KLK4: variants seen among roughly 807,000 people sequenced by gnomAD.
KLK4 encodes the protein kallikrein-4.
Under a neutral mutation model 24.3 loss-of-function variants are expected in KLK4, and 24 were observed. The ratio of observed to expected loss-of-function variants is 0.99; its 90% CI spans 0.72 to 1.39. The LOEUF is 1.39. KLK4 is among the 40% of genes most tolerant of loss of function. The pLI is 0.00. For synonymous variants in KLK4, 142 were observed against 138.8 expected, an observed-to-expected ratio of 1.02 and a Z score of -0.16; for missense variants, 344 against 327.4, an observed-to-expected ratio of 1.05 and a Z score of -0.39.
rs1454963653 is a variant in KLK4, at chr19:50,910,307, C to A, written c.61+371G>T. 6.6e-6 allele frequency among the ~76,000 whole-genome samples: 1 copy of A among 152,048 alleles called. No homozygotes were observed. The highest frequency in any genetic ancestry group is 1.5e-5 in the Non-Finnish European group (1 of 68,002). On this transcript the variant is annotated intron_variant, in intron 2 of 5. Transcript: ENST00000324041. The surrounding 1 kb of genome is among the most constrained non-coding windows in gnomAD (Gnocchi z 4.4). ...TTCCTTGGGGATGGGAGAGGGGGAT[C>A]TCAGGACTGAAGACCCAGGAAGCAG...
Position 50,910,627 on chromosome 19 carries a change from A to G in KLK4, c.61+51T>C. 2 of 1,507,518 alleles carry G rather than the reference A, an allele frequency of 1.3e-6. No homozygotes were observed. The highest frequency in any genetic ancestry group is 1.8e-6 in the Non-Finnish European group (2 of 1,106,628). 93.4% of individuals were successfully genotyped at this position (1,507,518 alleles called of 1,614,324 possible). On this transcript the variant is annotated intron_variant, in intron 2 of 5. Transcript: ENST00000324041. This position sits in a 1 kb window ranked among gnomAD's most constrained non-coding sequence, Gnocchi z 4.4. ...CACTGAGTCACACCTGAACATTAAC[A>G]AACACTGTGCCCCCAAGCACGGACA...
At position 50,907,218 on chromosome 19, in the gene KLK4, A is replaced by G. The variant is rs541789598; in HGVS notation, c.613-132T>C. ...ATCAATAACAACATAGCCCAGCAACATATCTGTTGGAAGTCCCATTCCAGA... is the reference window on the plus strand; with the variant it reads ...ATCAATAACAACATAGCCCAGCAACGTATCTGTTGGAAGTCCCATTCCAGA... On this transcript the variant is annotated intron_variant, in intron 5 of 5. Transcript: ENST00000324041. 1.4e-4 allele frequency: 129 copies of G among 907,360 alleles called. 1 individual carries two copies. The South Asian group carries it at 1.7e-3, about 12-fold the overall frequency. The allele number at this position is 907,360 out of a possible 1,614,324, so 56.2% of individuals were successfully genotyped here.
rs2090454713 is a variant in KLK4, at chr19:50,908,559, A to T, written c.475+20T>A. On this transcript the variant is annotated intron_variant, in intron 4 of 5. Coordinates refer to ENST00000324041, the Ensembl canonical transcript of KLK4. ...CAGAGGACCTCCTTGAAGAGGGCAG[A>T]CACACACCCGTGAGCTCACCGTTCG... 1.2e-6 allele frequency: 2 copies of T among 1,614,148 alleles called. No homozygotes were observed. The highest frequency in any genetic ancestry group is 1.7e-6 in the Non-Finnish European group (2 of 1,180,024).
chr19:50,909,483 C>T, intron 2 of KLK4, 69 bp from the exon 3 acceptor site: 1 of 1,517,094 alleles, frequency 6.6e-7, no homozygotes, highest in Admixed American at 1.7e-5. Context: ...GTGGGCTTAC[C>T]GAGCAGGGGC....
rs1479855466 is a variant in KLK4 at position 50,910,107 on chromosome 19, AG to A, written c.61+570del. ...GGTCCTTCGGGGTGAATTAAAGCTC[AG>A]GGGGTGGAGTTGTTGCTGGGAGCAA... On this transcript the variant is annotated intron_variant, in intron 2 of 5. Transcript: ENST00000324041. The surrounding 1 kb of genome is among the most constrained non-coding windows in gnomAD (Gnocchi z 4.4). Among the ~76,000 whole-genome samples the A allele has an allele frequency of 6.6e-6, 1 of 151,814 alleles. No individual in the cohort carries two copies. The highest frequency in any genetic ancestry group is 1.5e-5 in the Non-Finnish European group (1 of 67,926).
At chr19:50,907,208 G>A in intron 5 of KLK4, 122 bp from the exon 6 acceptor site, 2 of 1,006,600 alleles carry the variant, frequency 2.0e-6, no homozygotes, top group South Asian at 2.7e-5. Flanking sequence ...TAACAACATA[G>A]CCCAGCAACA....
rs2090475577 is a variant in KLK4 at position 50,910,181 on chromosome 19, T to A, written c.61+497A>T. 6.6e-6 allele frequency among the ~76,000 whole-genome samples: 1 copy of A among 151,986 alleles called. No homozygotes were observed. Among genetic ancestry groups the A allele is most frequent in the Non-Finnish European group, 1.5e-5 (1 of 67,974 alleles). ...AGACTGATGCTCAAAGAGTCGGTCC[T>A]GCGCCGAGTCACTCCTATCCTCTCC... On this transcript the variant is annotated intron_variant, in intron 2 of 5. Transcript: ENST00000324041. This position sits in a 1 kb window ranked among gnomAD's most constrained non-coding sequence, Gnocchi z 4.4.
At position 50,909,302 on chromosome 19, in the gene KLK4, G is replaced by C. The variant is rs748693081; in HGVS notation, c.174C>G (p.Gly58=). ...GCACCCACTGCGGATGCACCAGGACGCCCGAGCAGAACAATTCGTTTTCCA... is the reference window on the plus strand; with the variant it reads ...GCACCCACTGCGGATGCACCAGGACCCCCGAGCAGAACAATTCGTTTTCCA... Residue 58 remains glycine (G), a synonymous_variant, in exon 3 of 6, where the codon GGC becomes GGG. Transcript: ENST00000324041. 3 of 1,614,210 alleles carry C rather than the reference G, an allele frequency of 1.9e-6. No individual in the cohort carries two copies. In the South Asian group the frequency reaches 3.3e-5, roughly 18 times the overall value.
intron 5 of KLK4, 127 bp from the exon 6 acceptor site, chr19:50,907,213 G>A: frequency 1.0e-6 from 1 of 974,426 alleles, no homozygotes. Flanking sequence ...ACATAGCCCA[G>A]CAACATATCT....
rs2090452092 is a variant in KLK4 at position 50,908,355 on chromosome 19, TCA to T, written c.612+2_612+3del. The T allele has an allele frequency of 1.2e-6, 2 of 1,612,762 alleles. No individual in the cohort carries two copies. Reference sequence around the variant, plus strand: ...CGCCTGCCCTCCCCTTTCCCCTCTCTCACGTTGCAGGAGTCCTTCTGGTCTTG... The same window carrying T: ...CGCCTGCCCTCCCCTTTCCCCTCTCTCGTTGCAGGAGTCCTTCTGGTCTTG... On this transcript the variant is annotated splice_donor_variant and splice_donor_region_variant and intron_variant, in intron 5 of 5. Coordinates refer to ENST00000324041, the Ensembl canonical transcript of KLK4. LOFTEE classifies it high-confidence loss of function.
intron 5 of KLK4, chr19:50,908,090 G>T: frequency 1.9e-6 from 1 of 532,412 alleles, no homozygotes. Context: ...GGAGGTCACC[G>T]CCCTCAGGCC....
chr19:50,909,351 T>C (rs767362460), exon 3 of KLK4: 1 of 1,614,252 alleles, frequency 6.2e-7, no homozygotes, highest in Admixed American at 1.7e-5. Context: ...CTGCCAGGGC[T>C]GCGAGTGCGG....
chr19:50,908,394 C>A, exon 5 of KLK4: 1 of 1,614,028 alleles, frequency 6.2e-7, no homozygotes, highest in East Asian at 2.2e-5. Context: ...CCTCCGCCGG[C>A]GCAGAACATG....
intron 5 of KLK4, 172 bp downstream of exon 5, chr19:50,908,187 C>T (rs986693074): frequency 1.1e-4 from 83 of 779,592 alleles, no homozygotes; most frequent in Non-Finnish European, 1.6e-4. Context: ...TCCTTTGCTT[C>T]TCTTTATTCC....
At chr19:50,908,592 A>T in exon 4 of KLK4, 1 of 1,614,094 alleles carries the variant, frequency 6.2e-7, no homozygotes, top group Non-Finnish European at 8.5e-7. Flanking sequence ...TCGCCAGCAG[A>T]CCCCAGCCAG....
chr19:50,907,978 A>C, intron 5 of KLK4: 1 of 347,328 alleles, frequency 2.9e-6, no homozygotes, highest in Non-Finnish European at 5.5e-6. Flanking sequence ...CGTATGCATA[A>C]ATCGACTATT....
At chr19:50,908,078 G>T in intron 5 of KLK4, 2 of 516,412 alleles carry the variant, frequency 3.9e-6, no homozygotes, top group South Asian at 4.2e-5. Flanking sequence ...TTTCTGTTGG[G>T]TGGAGGTCAC....
chr19:50,909,146 C>T, intron 3 of KLK4, 106 bp downstream of exon 3: 1 of 1,598,356 alleles, frequency 6.3e-7, no homozygotes, highest in Non-Finnish European at 8.5e-7. Flanking sequence ...CGTCCTCCTC[C>T]CAGAGCCTTC....
chr19:50,907,946 G>A (rs1230366634), intron 5 of KLK4: 2 of 295,716 alleles, frequency 6.8e-6, no homozygotes, highest in Admixed American at 4.8e-5. Context: ...TTCCAACAAA[G>A]GTATATCATG....
Sources: gnomAD v4.1 joint callset for allele counts (sites outside exome capture counted in the v4.1 genomes callset) on GRCh38, gnomAD v4.1.1 for gene constraint, Gnocchi (gnomAD v3.1) non-coding constraint, MANE v1.5 for transcripts, NCBI Gene and HGNC (gene_info 2026-07-23, HGNC 2026-07-21) for gene names.